DLGAP1: variants seen among roughly 807,000 people sequenced by gnomAD.
DLGAP1 encodes the protein DLG associated protein 1.
A neutral mutation model predicts 90.8 loss-of-function variants in DLGAP1; 11 were observed. The ratio of observed to expected loss-of-function variants is 0.12; its 90% CI spans 0.08 to 0.20. DLGAP1 has a LOEUF of 0.20. DLGAP1 is among the 10% of genes least tolerant of loss of function. The pLI is 1.00. For synonymous variants in DLGAP1, 558 were observed against 540.7 expected (o/e 1.03, Z -0.44); for missense variants, 1,050 against 1,333.8 (o/e 0.79, Z 3.31).
At chr18:4,102,494 A>G (rs1161730753) in intron 2 of DLGAP1, among the ~76,000 whole-genome samples, 1 of 152,176 alleles carries the variant, frequency 6.6e-6, no homozygotes, top group Non-Finnish European at 1.5e-5. Context: ...AAAGCCCTTG[A>G]GCACCTATGA....
intron 8 of DLGAP1, among the ~76,000 whole-genome samples, chr18:3,581,538 T>C (rs904741008): frequency 5.3e-5 from 8 of 151,634 alleles, no homozygotes; most frequent in African/African-American, 1.9e-4. Context: ...CACACAGACA[T>C]TGGAATATTT....
chr18:4,203,395 T>C (rs543282958), intron 1 of DLGAP1, among the ~76,000 whole-genome samples: 1 of 152,268 alleles, frequency 6.6e-6, no homozygotes, highest in East Asian at 1.9e-4. Context: ...GGGCCCACAT[T>C]TGTCATGAGG....
chr18:3,568,828 A>G (rs1318213678), intron 8 of DLGAP1, among the ~76,000 whole-genome samples: 1 of 151,940 alleles, frequency 6.6e-6, no homozygotes, highest in African/African-American at 2.4e-5. Flanking sequence ...CTGGGACTAC[A>G]GGTGCCCGCC....
intron 7 of DLGAP1, among the ~76,000 whole-genome samples, chr18:3,585,684 C>T (rs372299279): frequency 9.2e-5 from 14 of 152,192 alleles, no homozygotes; most frequent in Non-Finnish European, 1.5e-4. Flanking sequence ...TGGTTCACAC[C>T]TGTCATCCCA....
Position 4,339,833 on chromosome 18 carries a change from A to G in DLGAP1, c.-267+115173T>C, listed in dbSNP as rs561555188. 1.5e-3 allele frequency among the ~76,000 whole-genome samples: 234 copies of G among 152,340 alleles called. 4 individuals are homozygous for G. The highest frequency in any genetic ancestry group is 2.2e-3 in the Admixed American group (33 of 15,306). On this transcript the variant is annotated intron_variant, in intron 1 of 12. Transcript: ENST00000315677. ...AATGAAAAAGCACAAATTCTTGCAC[A>G]AAAAGTGAAAGAAGATATGCTTTGA...
Position 4,014,311 on chromosome 18 carries a change from T to C in DLGAP1, c.-158-9110A>G, listed in dbSNP as rs545865962. Among the ~76,000 whole-genome samples the C allele has an allele frequency of 1.6e-4, 25 of 152,230 alleles. No individual in the cohort carries two copies. The South Asian group carries it at 4.8e-3, about 29-fold the overall frequency. On this transcript the variant is annotated intron_variant, in intron 2 of 12. Coordinates refer to ENST00000315677, the MANE Select transcript of DLGAP1 (RefSeq NM_004746.4). Reference sequence around the variant, plus strand: ...ATGTTGGCCAGATGGTCTCGATCTCTTGACCTTGTGATCTGCCCGCCTCGG... The same window carrying C: ...ATGTTGGCCAGATGGTCTCGATCTCCTGACCTTGTGATCTGCCCGCCTCGG...
intron 1 of DLGAP1, among the ~76,000 whole-genome samples, chr18:4,374,303 T>C (rs2081974458): frequency 6.6e-6 from 1 of 152,148 alleles, no homozygotes; most frequent in Non-Finnish European, 1.5e-5. Context: ...AATTTTATAC[T>C]ATCCCAAGAT....
intron 7 of DLGAP1, among the ~76,000 whole-genome samples, chr18:3,584,789 G>C (rs2055776478): frequency 6.6e-6 from 1 of 152,088 alleles, no homozygotes; most frequent in Non-Finnish European, 1.5e-5. Flanking sequence ...GTCTCACTCT[G>C]TCATCAGGTT....
rs79557941 is a variant in DLGAP1, at chr18:4,064,604, T to C, written c.-158-59403A>G. On this transcript the variant is annotated intron_variant, in intron 2 of 12. Transcript: ENST00000315677. The stretch of plus-strand genomic sequence containing the variant: ...ACTTAGAAAATCTAGAAGAAATGGA[T>C]AAATTCATGGACACAGACACCCTCC... 6.7e-3 allele frequency among the ~76,000 whole-genome samples: 1,017 copies of C among 152,028 alleles called. 33 individuals are homozygous for C. In the East Asian group the frequency reaches 0.11, roughly 17 times the overall value.
chr18:4,025,585 C>T (rs1442176129), intron 2 of DLGAP1, among the ~76,000 whole-genome samples: 1 of 152,126 alleles, frequency 6.6e-6, no homozygotes, highest in Admixed American at 6.5e-5. Context: ...TTTTCTGACT[C>T]TAAAGGCCCT....
At position 3,818,648 on chromosome 18, in the gene DLGAP1, C is replaced by G. The variant is rs144504437; in HGVS notation, c.958-4375G>C. 4.6e-5 allele frequency among the ~76,000 whole-genome samples: 7 copies of G among 151,274 alleles called. No homozygotes were observed. In the East Asian group the frequency reaches 1.4e-3, roughly 30 times the overall value. ...GTGGTGTCTCGCTCTGTCACCAAGA[C>G]TGGAGTGCAGTGGCACGATCTTAGC... On this transcript the variant is annotated intron_variant, in intron 4 of 12. Transcript: ENST00000315677.
intron 7 of DLGAP1, among the ~76,000 whole-genome samples, chr18:3,644,363 A>G (rs1942647501): frequency 6.6e-6 from 1 of 152,118 alleles, no homozygotes; most frequent in Non-Finnish European, 1.5e-5. Flanking sequence ...TCCTGAAGAC[A>G]TATTAGGACA....
chr18:3,694,828 G>T (rs1462556049), intron 7 of DLGAP1, among the ~76,000 whole-genome samples: 1 of 151,954 alleles, frequency 6.6e-6, no homozygotes, highest in Non-Finnish European at 1.5e-5. Context: ...CATTCTGTAG[G>T]TTGTCTGCTC....
intron 2 of DLGAP1, among the ~76,000 whole-genome samples, chr18:4,107,840 T>C (rs1174644466): frequency 6.6e-6 from 1 of 152,236 alleles, no homozygotes. Context: ...CCATTTGGTG[T>C]TTGTGTGTCT....
intron 1 of DLGAP1, among the ~76,000 whole-genome samples, chr18:4,271,531 T>G (rs1413159780): frequency 6.6e-6 from 1 of 152,226 alleles, no homozygotes. Flanking sequence ...GTTGGGAATT[T>G]TTCTAATAAA....
chr18:3,953,748 C>A (rs893173056), intron 3 of DLGAP1, among the ~76,000 whole-genome samples: 1 of 152,062 alleles, frequency 6.6e-6, no homozygotes, highest in East Asian at 1.9e-4. Context: ...ATTTTTAGTT[C>A]TTTGACAAAT....
At chr18:4,126,035 G>A (rs2144155646) in intron 2 of DLGAP1, among the ~76,000 whole-genome samples, 1 of 152,280 alleles carries the variant, frequency 6.6e-6, no homozygotes, top group Non-Finnish European at 1.5e-5. Flanking sequence ...ACTTTCCTGT[G>A]TGGCAGGAAT....
At chr18:3,589,443 A>G (rs1163693849) in intron 7 of DLGAP1, among the ~76,000 whole-genome samples, 1 of 152,244 alleles carries the variant, frequency 6.6e-6, no homozygotes, top group Admixed American at 6.5e-5. Context: ...ACCATAAGCT[A>G]TGTAGAGCAA....
intron 7 of DLGAP1, among the ~76,000 whole-genome samples, chr18:3,586,390 T>C (rs1457158241): frequency 6.6e-6 from 1 of 152,176 alleles, no homozygotes; most frequent in Admixed American, 6.5e-5. Context: ...CATGCTGTTA[T>C]GCTGAGGGAC....
Sources: allele counts gnomAD v4.1 joint callset (sites outside exome capture counted in the v4.1 genomes callset), GRCh38; gene constraint gnomAD v4.1.1; transcripts MANE v1.5; gene names NCBI Gene and HGNC (gene_info 2026-07-23, HGNC 2026-07-21).